Variants in PUS10 observed in about 807,000 individuals in gnomAD.
PUS10 encodes the protein tRNA pseudouridine synthase Pus10.
PUS10 carries 59 observed loss-of-function variants against 75.0 expected under a neutral mutation model. That is an observed-to-expected ratio of 0.79 (90% CI 0.64 to 0.98). The LOEUF is 0.98. Ranked by LOEUF, PUS10 falls within the 50% of genes least tolerant of loss-of-function variation. The probability of loss-of-function intolerance (pLI) is 0.00; values close to 1 mark genes in which losing one functional copy is unlikely to be tolerated. For missense variants in PUS10, 650 were observed against 614.4 expected, an observed-to-expected ratio of 1.06 and a Z score of -0.61; for synonymous variants, 219 against 211.6, an observed-to-expected ratio of 1.03 and a Z score of -0.30.
intron 5 of PUS10, among the ~76,000 whole-genome samples, chr2:60,967,931 G>C (rs1445058054): frequency 6.6e-6 from 1 of 152,138 alleles, no homozygotes; most frequent in Non-Finnish European, 1.5e-5. Context: ...TCAGAAGACA[G>C]AAAGATGGGA....
intron 4 of PUS10, among the ~76,000 whole-genome samples, chr2:60,982,921 C>G (rs1472406472): frequency 1.3e-5 from 2 of 152,022 alleles, no homozygotes; most frequent in Non-Finnish European, 2.9e-5. Context: ...CCTCTAACTC[C>G]CAGGCTCAAG....
intron 16 of PUS10, among the ~76,000 whole-genome samples, chr2:60,945,870 A>G (rs1183345697): frequency 1.3e-5 from 2 of 152,232 alleles, no homozygotes; most frequent in Non-Finnish European, 2.9e-5. Flanking sequence ...GAATTTGGTA[A>G]AAATGCAGCA....
Position 60,961,463 on chromosome 2 carries a change from C to T in PUS10, c.874G>A (p.Gly292Arg). ...ECAHGAVFVA[G>R]RYNKYSRNLP... ...GTATATTCTAGACTAAATATTTTAC[C>T]AGCCACAAAAACAGCACCATGAGCA... The change falls in exon 10 of 18, where the codon GGG becomes AGG. Residue 292 changes from glycine (G) to arginine (R), a missense_variant and splice_region_variant. Transcript: ENST00000316752. 1.2e-6 allele frequency: 2 copies of T among 1,612,290 alleles called. No individual in the cohort carries two copies. The highest frequency in any genetic ancestry group is 8.5e-7 in the Non-Finnish European group (1 of 1,178,402).
chr2:60,965,387 T>G (rs947517169), intron 7 of PUS10, 36 bp downstream of exon 7: 24 of 1,534,468 alleles, frequency 1.6e-5, no homozygotes, highest in Admixed American at 3.6e-5. Flanking sequence ...GCATTAACAA[T>G]TTTACACCAT....
chr2:61,008,795 A>G lies in PUS10; in HGVS notation c.347T>C (p.Leu116Pro). 6.3e-7 allele frequency: 1 copy of G among 1,589,518 alleles called. No homozygotes were observed. The highest frequency in any genetic ancestry group is 1.2e-5 in the South Asian group (1 of 86,250). ...LNVCNVCLGI[L>P]QEFCEKDFIK... ...GAAATCTTTCTCACAGAATTCTTGA[A>G]GAATTCCTAGGCATACATTACATAC... Residue 116 changes from leucine (L) to proline (P), a missense_variant, in exon 3 of 18, where the codon CTT becomes CCT. Coordinates refer to ENST00000316752, the MANE Select transcript of PUS10 (RefSeq NM_144709.4).
chr2:60,952,455 A>T (rs1275571618), intron 15 of PUS10, among the ~76,000 whole-genome samples: 2 of 152,184 alleles, frequency 1.3e-5, no homozygotes, highest in Non-Finnish European at 2.9e-5. Flanking sequence ...AGGTATAGGA[A>T]AATGTCACAT....
chr2:61,008,063 C>G (rs1231098871), intron 3 of PUS10, among the ~76,000 whole-genome samples: 1 of 149,422 alleles, frequency 6.7e-6, no homozygotes, highest in African/African-American at 2.5e-5. Context: ...GGCAACAGAG[C>G]GAGACTCTGT....
intron 6 of PUS10, chr2:60,966,838 T>C (rs963342771): frequency 3.3e-5 from 5 of 152,312 alleles, no homozygotes; most frequent in African/African-American, 1.2e-4. Context: ...GTATCTGATA[T>C]TCAGGGAATT....
At position 60,998,462 on chromosome 2, in the gene PUS10, C is replaced by A. The variant is rs114612533; in HGVS notation, c.468+8095G>T. The stretch of plus-strand genomic sequence containing the variant: ...ATCCTAGCACTTTGGGAGGCCGAGG[C>A]GGACGCATCACCTGTCAGGAGTTCA... On this transcript the variant is annotated intron_variant, in intron 4 of 17. Coordinates refer to ENST00000316752, the MANE Select transcript of PUS10 (RefSeq NM_144709.4). Among the ~76,000 whole-genome samples the A allele has an allele frequency of 9.4e-3, 1,432 of 152,176 alleles. 18 individuals carry two copies. The highest frequency in any genetic ancestry group is 0.032 in the African/African-American group (1,347 of 41,526).
chr2:60,961,897 T>G (rs531126480), intron 9 of PUS10, among the ~76,000 whole-genome samples: 1 of 152,348 alleles, frequency 6.6e-6, no homozygotes, highest in Admixed American at 6.5e-5. Context: ...CTTTAACCAT[T>G]TTGCTGTCCA....
At position 61,018,164 on chromosome 2, in the gene PUS10, T is replaced by C. The variant is rs1490280975; in HGVS notation, c.-172A>G. On this transcript the variant is annotated 5_prime_UTR_variant, in exon 1 of 18. Transcript: ENST00000316752. Reference sequence around the variant, plus strand: ...CGCTTCTGTTTTCACTTTGACAGAATGGCTTCTCTATCTTTAAAGCGTAGA... The same window carrying C: ...CGCTTCTGTTTTCACTTTGACAGAACGGCTTCTCTATCTTTAAAGCGTAGA... 1.9e-6 allele frequency: 3 copies of C among 1,550,778 alleles called. No homozygotes were observed. The highest frequency in any genetic ancestry group is 2.4e-5 in the East Asian group (1 of 41,058).
chr2:60,960,342 T>TAA, intron 11 of PUS10, 50 bp downstream of exon 11: 1 of 1,166,742 alleles, frequency 8.6e-7, no homozygotes, highest in Non-Finnish European at 1.1e-6. Flanking sequence ...AGCCCCTATC[T>TAA]CAAAAAAAAA....
At chr2:60,945,755 T>C (rs1376351665) in intron 16 of PUS10, among the ~76,000 whole-genome samples, 9 of 152,260 alleles carry the variant, frequency 5.9e-5, no homozygotes, top group Non-Finnish European at 1.3e-4. Flanking sequence ...TTTCAAATTT[T>C]GAAATCAATA....
chr2:60,957,827 G>C (rs900764669), intron 11 of PUS10, among the ~76,000 whole-genome samples: 2 of 152,268 alleles, frequency 1.3e-5, no homozygotes, highest in African/African-American at 2.4e-5. Context: ...CTGTGTTTTA[G>C]TCAGGAGTAG....
chr2:60,946,331 T>C (rs1360939829), intron 16 of PUS10, among the ~76,000 whole-genome samples: 2 of 152,160 alleles, frequency 1.3e-5, no homozygotes, highest in Non-Finnish European at 2.9e-5. Flanking sequence ...AAGTGAAAAA[T>C]TAATATACTT....
chr2:61,013,425 C>A (rs1190245676), intron 1 of PUS10, among the ~76,000 whole-genome samples: 1 of 152,216 alleles, frequency 6.6e-6, no homozygotes, highest in Non-Finnish European at 1.5e-5. Context: ...GGTTTCCCCA[C>A]TGAGTTGATT....
chr2:60,954,268 G>T, intron 12 of PUS10, 110 bp from the exon 13 acceptor site: 3 of 917,738 alleles, frequency 3.3e-6, no homozygotes, highest in Non-Finnish European at 5.2e-6. Context: ...CTAGAGGACT[G>T]AAAGTTTAGT....
chr2:61,018,000 G>T lies in PUS10; in HGVS notation c.-16+8C>A. ...GGATAGGGGCCGAGGTGGAGCTGGG[G>T]CGCTTACCAGTGGGGACTTTAGTGT... On this transcript the variant is annotated splice_region_variant and intron_variant, in intron 1 of 17. Transcript: ENST00000316752. The T allele has an allele frequency of 7.5e-7, 1 of 1,330,428 alleles. No individual in the cohort carries two copies. Among genetic ancestry groups the T allele is most frequent in the Non-Finnish European group, 1.0e-6 (1 of 982,132 alleles). The allele number at this position is 1,330,428 out of a possible 1,614,324, so 82.4% of individuals were successfully genotyped here. A position where few individuals can be genotyped will look rare whatever the true frequency, so the allele number is the denominator to read the frequency against.
chr2:60,947,969 G>A (rs1675073293), intron 16 of PUS10, 74 bp downstream of exon 16: 2 of 1,545,178 alleles, frequency 1.3e-6, no homozygotes, highest in African/African-American at 1.4e-5. Context: ...AGCTGACCCT[G>A]TTTTCTAGGG....
Sources: allele counts gnomAD v4.1 joint callset (sites outside exome capture counted in the v4.1 genomes callset), GRCh38; gene constraint gnomAD v4.1.1; transcripts MANE v1.5; gene names NCBI Gene and HGNC (gene_info 2026-07-23, HGNC 2026-07-21).